The following TENM2 variants were observed in gnomAD, a reference collection of about 807,000 sequenced individuals.
TENM2 encodes the protein teneurin transmembrane protein 2.
TENM2 carries 52 observed loss-of-function variants against 245.2 expected under a neutral mutation model. The ratio of observed to expected loss-of-function variants is 0.21; its 90% CI spans 0.17 to 0.27. TENM2 has a LOEUF of 0.27. TENM2 is among the 10% of genes least tolerant of loss of function. The pLI, the probability that TENM2 is intolerant of heterozygous loss-of-function variation, is 1.00. For missense variants in TENM2, 3,046 were observed against 3,666.8 expected (o/e 0.83, Z 4.37); for synonymous variants, 1,363 against 1,438.9 (o/e 0.95, Z 1.19).
At chr5:167,331,586 C>A (rs1307816487) in intron 1 of TENM2, among the ~76,000 whole-genome samples, 1 of 152,142 alleles carries the variant, frequency 6.6e-6, no homozygotes, top group Non-Finnish European at 1.5e-5. Context: ...CTAGACTTTT[C>A]TTTGTTGGGC....
chr5:168,008,674 C>T (rs373421247), intron 5 of TENM2, among the ~76,000 whole-genome samples: 39 of 152,260 alleles, frequency 2.6e-4, no homozygotes, highest in African/African-American at 8.2e-4. Flanking sequence ...ATTTGTGATA[C>T]AATTTGTCTT....
At chr5:168,163,958 A>T (rs1757983721) in intron 13 of TENM2, among the ~76,000 whole-genome samples, 1 of 151,982 alleles carries the variant, frequency 6.6e-6, no homozygotes, top group South Asian at 2.1e-4. Flanking sequence ...AGGTCTGGGG[A>T]GTTCCTTTAG....
chr5:168,162,455 G>A (rs1332542672), intron 12 of TENM2, among the ~76,000 whole-genome samples, 156 bp from the exon 15 acceptor site: 1 of 152,174 alleles, frequency 6.6e-6, no homozygotes. Flanking sequence ...TGCATGCGTT[G>A]CCTGCTCCCC....
chr5:168,086,831 G>A (rs776392004), intron 7 of TENM2, among the ~76,000 whole-genome samples: 12 of 152,304 alleles, frequency 7.9e-5, no homozygotes, highest in Middle Eastern at 3.4e-3. Context: ...CAGTGTTGAG[G>A]GATGAAAAGG....
intron 22 of TENM2, 139 bp downstream of exon 24, chr5:168,217,061 C>G: frequency 1.1e-6 from 1 of 874,512 alleles, no homozygotes; most frequent in South Asian, 1.5e-5. Flanking sequence ...TGGAGAAAGC[C>G]TGAGATGAGC....
chr5:167,582,570 G>A (rs1775166411), intron 2 of TENM2, among the ~76,000 whole-genome samples: 1 of 152,156 alleles, frequency 6.6e-6, no homozygotes, highest in South Asian at 2.1e-4. Context: ...ATTAGGAACT[G>A]AAATCATTAA....
At chr5:168,039,673 G>A (rs1326603616) in intron 5 of TENM2, among the ~76,000 whole-genome samples, 1 of 152,084 alleles carries the variant, frequency 6.6e-6, no homozygotes, top group Non-Finnish European at 1.5e-5. Flanking sequence ...TGGACAATAG[G>A]ATGCCTGACT....
At chr5:168,096,937 A>G (rs1793420148) in intron 8 of TENM2, among the ~76,000 whole-genome samples, 1 of 152,250 alleles carries the variant, frequency 6.6e-6, no homozygotes. Flanking sequence ...TTCCAAAATC[A>G]TTCCTTTGAA....
intron 2 of TENM2, among the ~76,000 whole-genome samples, chr5:167,597,093 A>G (rs1175008119): frequency 2.0e-5 from 3 of 151,652 alleles, no homozygotes; most frequent in African/African-American, 7.3e-5. Context: ...AAATACTGAC[A>G]CTAGGACAAG....
intron 2 of TENM2, among the ~76,000 whole-genome samples, chr5:167,786,556 C>A (rs1326407554): frequency 6.6e-6 from 1 of 152,242 alleles, no homozygotes; most frequent in African/African-American, 2.4e-5. Flanking sequence ...TAACTTAGGT[C>A]ATGTGCCCTT....
At chr5:167,649,184 C>T (rs150107482) in intron 2 of TENM2, among the ~76,000 whole-genome samples, 1 of 152,132 alleles carries the variant, frequency 6.6e-6, no homozygotes, top group East Asian at 2.0e-4. Flanking sequence ...TGAGCAACAC[C>T]TGAGTAGTGC....
At chr5:168,130,876 C>T (rs752229056) in intron 12 of TENM2, among the ~76,000 whole-genome samples, 5 of 151,938 alleles carry the variant, frequency 3.3e-5, no homozygotes, top group Non-Finnish European at 5.9e-5. Flanking sequence ...AGTGACAGAG[C>T]GAGATCCTGT....
intron 4 of TENM2, among the ~76,000 whole-genome samples, chr5:167,969,254 G>A (rs544792920): frequency 5.3e-5 from 8 of 152,218 alleles, no homozygotes; most frequent in African/African-American, 1.7e-4. Flanking sequence ...TTTAATCATG[G>A]GGGCGGGTCT....
chr5:167,243,323 T>C, the TENM2 span, among the ~76,000 whole-genome samples: 2 of 152,204 alleles, frequency 1.3e-5, no homozygotes, highest in Non-Finnish European at 2.9e-5. Flanking sequence ...TGCACTGATG[T>C]AGTCTGAGGG....
chr5:167,715,902 T>C (rs931756592), intron 2 of TENM2, among the ~76,000 whole-genome samples: 1 of 152,228 alleles, frequency 6.6e-6, no homozygotes, highest in Non-Finnish European at 1.5e-5. Context: ...CAAATTATAT[T>C]TTTTTAAGCG....
At chr5:168,258,436 G>A (rs1447697487) in intron 27 of TENM2, among the ~76,000 whole-genome samples, 1 of 152,116 alleles carries the variant, frequency 6.6e-6, no homozygotes. Context: ...AGGAGGCGGA[G>A]GTTGCAGTGA....
At chr5:167,559,590 G>A (rs1365088950) in intron 2 of TENM2, among the ~76,000 whole-genome samples, 2 of 152,104 alleles carry the variant, frequency 1.3e-5, no homozygotes, top group Non-Finnish European at 2.9e-5. Context: ...ATCTCTTTTT[G>A]TTCTTGGCCT....
the TENM2 span, among the ~76,000 whole-genome samples, chr5:167,105,025 T>C: frequency 2.8e-4 from 42 of 152,368 alleles, 1 homozygote; most frequent in Admixed American, 2.2e-3. Context: ...AGCACATTTT[T>C]GCTTTGAATT....
At chr5:167,307,492 C>G (rs529667515) in intron 1 of TENM2, among the ~76,000 whole-genome samples, 1 of 152,112 alleles carries the variant, frequency 6.6e-6, no homozygotes. Flanking sequence ...AAAAATGCCA[C>G]GACCACCGAA....
Sources: gnomAD v4.1 joint callset for allele counts (sites outside exome capture counted in the v4.1 genomes callset) on GRCh38, gnomAD v4.1.1 for gene constraint, MANE v1.5 for transcripts, NCBI Gene and HGNC (gene_info 2026-07-23, HGNC 2026-07-21) for gene names.